SLC25A33: variants seen among roughly 807,000 people sequenced by gnomAD.
SLC25A33 encodes the protein bone marrow stromal cell mitochondrial carrier protein.
SLC25A33 carries 15 observed loss-of-function variants against 35.5 expected under a neutral mutation model. The ratio of observed to expected loss-of-function variants is 0.42; its 90% CI spans 0.28 to 0.65. The LOEUF is 0.65. SLC25A33 is among the 30% of genes least tolerant of loss of function. The pLI is 0.20. For missense variants in SLC25A33, 257 were observed against 398.5 expected (o/e 0.64, Z 3.02); for synonymous variants, 136 against 148.7 (o/e 0.91, Z 0.62).
chr1:9,552,077 G>C (rs553599678), intron 1 of SLC25A33, among the ~76,000 whole-genome samples: 1 of 152,268 alleles, frequency 6.6e-6, no homozygotes, highest in Non-Finnish European at 1.5e-5. Context: ...GTAATATCTC[G>C]ATATGAATAT....
intron 5 of SLC25A33, 87 bp downstream of exon 5, chr1:9,573,499 G>GA: frequency 9.3e-7 from 1 of 1,071,620 alleles, no homozygotes; most frequent in Non-Finnish European, 1.4e-6. Flanking sequence ...CTAAGGATGA[G>GA]ATATAGAGAT....
rs558569928 is a variant in SLC25A33, at chr1:9,573,952, G to GT, written c.482+546dup. Among the ~76,000 whole-genome samples, 96 of 151,954 alleles carry GT rather than the reference G, an allele frequency of 6.3e-4. 1 individual carries two copies. In the Middle Eastern group the frequency reaches 0.02, roughly 32 times the overall value. On this transcript the variant is annotated intron_variant, in intron 5 of 6. Coordinates refer to ENST00000302692, the MANE Select transcript of SLC25A33 (RefSeq NM_032315.3). The stretch of plus-strand genomic sequence containing the variant: ...TGCAGGCCCTTTTTAGAATAATGTT[G>GT]TTTTTTGAGTTTTTTTGTTTTTTTG...
At position 9,551,452 on chromosome 1, in the gene SLC25A33, G is replaced by GT. The variant is rs141719066; in HGVS notation, c.57-2172dup. 6.8e-3 allele frequency among the ~76,000 whole-genome samples: 1,032 copies of GT among 152,286 alleles called. 11 individuals carry two copies. Among genetic ancestry groups the GT allele is most frequent in the African/African-American group, 0.024 (990 of 41,568 alleles). On this transcript the variant is annotated intron_variant, in intron 1 of 6. Coordinates refer to ENST00000302692, the MANE Select transcript of SLC25A33 (RefSeq NM_032315.3). ...TTCATTCGTTACTTTCAGAGTGTGC[G>GT]TTAGGTACTAGGTTTGCTTCTAGAT...
At chr1:9,542,424 A>G (rs1448337619) in intron 1 of SLC25A33, among the ~76,000 whole-genome samples, 1 of 152,216 alleles carries the variant, frequency 6.6e-6, no homozygotes, top group Non-Finnish European at 1.5e-5. Context: ...AAGAAAAGAC[A>G]GCTTCCAAAA....
chr1:9,565,819 A>G (rs1643493596), intron 2 of SLC25A33, among the ~76,000 whole-genome samples: 2 of 151,222 alleles, frequency 1.3e-5, no homozygotes, highest in African/African-American at 4.9e-5. Flanking sequence ...CGGAGCTTGC[A>G]GTGAGCCAAG....
chr1:9,560,182 G>A (rs994682750), intron 2 of SLC25A33, among the ~76,000 whole-genome samples: 1 of 151,688 alleles, frequency 6.6e-6, no homozygotes, highest in Non-Finnish European at 1.5e-5. Flanking sequence ...AACCTGGGAG[G>A]CGGAGGTTGC....
At position 9,580,865 on chromosome 1, in the gene SLC25A33, AAATAAT is replaced by A. The variant is rs35059537; in HGVS notation, c.763+656_763+661del. On this transcript the variant is annotated intron_variant, in intron 6 of 6. Coordinates refer to ENST00000302692, the MANE Select transcript of SLC25A33 (RefSeq NM_032315.3). ...GCGAGACTCTGTCTCAAAAAAAAAA[AAATAAT>A]AATAATAATAATAATAATAATAATC... Among the ~76,000 whole-genome samples, 322 of 129,330 alleles carry A rather than the reference AAATAAT, an allele frequency of 2.5e-3. 3 individuals are homozygous for A. Among genetic ancestry groups the A allele is most frequent in the South Asian group, 9.2e-3 (38 of 4,126 alleles). The allele number at this position is 129,330 out of a possible 152,430, so 84.8% of individuals were successfully genotyped here.
intron 2 of SLC25A33, among the ~76,000 whole-genome samples, chr1:9,565,427 A>G (rs1192682975): frequency 6.6e-6 from 1 of 151,146 alleles, no homozygotes; most frequent in Admixed American, 6.6e-5. Flanking sequence ...GAGGCAGGAG[A>G]ATGGCATGAA....
chr1:9,563,663 T>C (rs77887127), intron 2 of SLC25A33, among the ~76,000 whole-genome samples: 3,569 of 152,316 alleles, frequency 0.023, 144 homozygotes, highest in African/African-American at 0.082. Flanking sequence ...AAAGACCTTT[T>C]CATCATACCT....
At chr1:9,572,412 C>T (rs1643603404) in intron 4 of SLC25A33, among the ~76,000 whole-genome samples, 1 of 151,708 alleles carries the variant, frequency 6.6e-6, no homozygotes, top group Non-Finnish European at 1.5e-5. Context: ...GAGATCGAGA[C>T]CATCCTGGCT....
intron 3 of SLC25A33, among the ~76,000 whole-genome samples, chr1:9,568,774 C>G (rs1006291333): frequency 6.6e-6 from 1 of 151,832 alleles, no homozygotes; most frequent in African/African-American, 2.4e-5. Flanking sequence ...TGGCATGAAC[C>G]CGGGAGGCGG....
intron 2 of SLC25A33, among the ~76,000 whole-genome samples, chr1:9,555,820 G>A (rs1643335002): frequency 6.6e-6 from 1 of 152,172 alleles, no homozygotes; most frequent in Non-Finnish European, 1.5e-5. Flanking sequence ...GAGTAGCTGG[G>A]ATCACAGGCA....
intron 6 of SLC25A33, 29 bp downstream of exon 6, chr1:9,580,263 A>G: frequency 6.2e-7 from 1 of 1,602,258 alleles, no homozygotes; most frequent in Non-Finnish European, 8.5e-7. Flanking sequence ...CTTCCAGAGC[A>G]GTAAAACAGC....
intron 1 of SLC25A33, among the ~76,000 whole-genome samples, 197 bp downstream of exon 1, chr1:9,539,944 C>A (rs1385465798): frequency 6.6e-6 from 1 of 152,148 alleles, no homozygotes. Context: ...CTCACCCCTA[C>A]GTCCTGACCG....
Position 9,578,165 on chromosome 1 carries a change from A to G in SLC25A33, c.483-1789A>G, listed in dbSNP as rs1042096194. 4.6e-5 allele frequency among the ~76,000 whole-genome samples: 7 copies of G among 152,024 alleles called. No homozygotes were observed. Among genetic ancestry groups the G allele is most frequent in the Non-Finnish European group, 7.4e-5 (5 of 67,992 alleles). On this transcript the variant is annotated intron_variant, in intron 5 of 6. Coordinates refer to ENST00000302692, the MANE Select transcript of SLC25A33 (RefSeq NM_032315.3). The surrounding 1 kb of genome is among the most constrained non-coding windows in gnomAD (Gnocchi z 4.3). ...GATCTCCTGACCTCGTGATCTGCCC[A>G]CCTCAGCCTCCCAAAGTGCTGGGAA...
At chr1:9,543,572 G>T (rs1355846256) in intron 1 of SLC25A33, among the ~76,000 whole-genome samples, 1 of 152,184 alleles carries the variant, frequency 6.6e-6, no homozygotes, top group Non-Finnish European at 1.5e-5. Context: ...CCATCAAATA[G>T]CATGGGGGTT....
intron 2 of SLC25A33, among the ~76,000 whole-genome samples, chr1:9,558,770 A>C (rs1030050844): frequency 6.6e-5 from 10 of 152,044 alleles, no homozygotes; most frequent in African/African-American, 2.4e-4. Flanking sequence ...TATCTCACCT[A>C]TATTGGTGCA....
chr1:9,556,741 C>T (rs904944893), intron 2 of SLC25A33, among the ~76,000 whole-genome samples: 3 of 151,488 alleles, frequency 2.0e-5, no homozygotes, highest in Non-Finnish European at 4.4e-5. Context: ...CTGTTCCCTC[C>T]CCTCAATTAG....
At position 9,562,002 on chromosome 1, in the gene SLC25A33, G is replaced by A. The variant is rs186337984; in HGVS notation, c.237-5282G>A. On this transcript the variant is annotated intron_variant, in intron 2 of 6. Coordinates refer to ENST00000302692, the MANE Select transcript of SLC25A33 (RefSeq NM_032315.3). The stretch of plus-strand genomic sequence containing the variant: ...CGGGAGGTGGAGGTTGCAGTGAGCC[G>A]AGATCATGCCACTGCACTCGCCTGG... 3.4e-3 allele frequency among the ~76,000 whole-genome samples: 511 copies of A among 150,534 alleles called. 3 individuals are homozygous for A. The highest frequency in any genetic ancestry group is 4.4e-3 in the Non-Finnish European group (300 of 67,862).
Sources: gnomAD v4.1 joint callset for allele counts (sites outside exome capture counted in the v4.1 genomes callset) on GRCh38, gnomAD v4.1.1 for gene constraint, Gnocchi (gnomAD v3.1) non-coding constraint, MANE v1.5 for transcripts, NCBI Gene and HGNC (gene_info 2026-07-23, HGNC 2026-07-21) for gene names.